Variants in CLK2 observed in about 807,000 individuals in gnomAD.
CLK2 encodes CDC like kinase 2.
A neutral mutation model predicts 73.5 loss-of-function variants in CLK2; 12 were observed. That is an observed-to-expected ratio of 0.16 (90% CI 0.10 to 0.26). The LOEUF (loss-of-function observed/expected upper bound fraction) is 0.26. Among genes scored for constraint, CLK2 ranks in the 10% least tolerant of loss-of-function variants. The pLI, the probability that CLK2 is intolerant of heterozygous loss-of-function variation, is 1.00. For missense variants in CLK2, 509 were observed against 688.4 expected (o/e 0.74, Z 2.92); for synonymous variants, 232 against 237.9 (o/e 0.98, Z 0.23).
chr1:155,266,039 GC>G, intron 7 of CLK2, 85 bp from the exon 8 acceptor site: 2 of 875,974 alleles, frequency 2.3e-6, no homozygotes, highest in South Asian at 1.3e-5. Flanking sequence ...GTTACCTAGG[GC>G]AAAGCCAGTG....
chr1:155,269,528 C>G lies in CLK2; in HGVS notation c.359G>C (p.Arg120Pro). Residue 120 changes from arginine (R) to proline (P), a missense_variant, in exon 3 of 13, where the codon CGG (arginine) becomes CCG (proline). Arg to Pro is a moderately radical substitution (Grantham distance 103). Transcript: ENST00000368361. ...AAATGTCCGGCTGCGCCTCCTCCGC[C>G]GTCTGTGCTTCCTCCGGCTGCTGCG... ...SQRSSRRKHR[R>P]RRRRSRTFSR... The G allele has an allele frequency of 6.2e-7, 1 of 1,614,042 alleles. No individual in the cohort carries two copies. Among genetic ancestry groups the G allele is most frequent in the Non-Finnish European group, 8.5e-7 (1 of 1,180,026 alleles).
rs1285573451 is a variant in CLK2, at chr1:155,268,331, C to T, written c.516G>A (p.Gly172=). ...CACATTGTACAACTCGGCCGAAGGTCCCCTCTCCTAAGGTGCTAACGATTT... is the reference window on the plus strand; with the variant it reads ...CACATTGTACAACTCGGCCGAAGGTTCCCTCTCCTAAGGTGCTAACGATTT... ...RYEIVSTLGE[G]TFGRVVQCVD... Residue 172 remains glycine (G), a synonymous_variant, in exon 5 of 13, where the codon GGG becomes GGA. Coordinates refer to ENST00000368361, the MANE Select transcript of CLK2 (RefSeq NM_001294338.2). The surrounding 1 kb of genome is among the most constrained non-coding windows in gnomAD (Gnocchi z 5.6). 5 of 1,614,080 alleles carry T rather than the reference C, an allele frequency of 3.1e-6. No individual in the cohort carries two copies. The highest frequency in any genetic ancestry group is 4.2e-6 in the Non-Finnish European group (5 of 1,180,002).
intron 3 of CLK2, chr1:155,269,010 A>C: frequency 1.7e-6 from 1 of 603,276 alleles, no homozygotes; most frequent in Non-Finnish European, 3.0e-6. Context: ...CAAACCCAAA[A>C]CAGGAACAGG....
At chr1:155,263,568 C>G (rs970480708) in intron 12 of CLK2, 168 bp from the exon 13 acceptor site, 1 of 985,330 alleles carries the variant, frequency 1.0e-6, no homozygotes, top group African/African-American at 1.7e-5. Context: ...TATAGCTCAA[C>G]CTACCTTCCC....
At position 155,270,869 on chromosome 1, in the gene CLK2, T is replaced by C. The variant is rs772720347; in HGVS notation, c.109A>G (p.Ser37Gly). 1.9e-6 allele frequency: 3 copies of C among 1,614,214 alleles called. No individual in the cohort carries two copies. The highest frequency in any genetic ancestry group is 1.7e-6 in the Non-Finnish European group (2 of 1,180,028). Residue 37 changes from serine (S) to glycine (G), a missense_variant, in exon 2 of 13, where the codon AGT (serine) becomes GGT (glycine). Around this residue, in one of 6 missense-constraint regions of CLK2, gnomAD observed 222 missense variants for 221.7 expected, o/e 1.00. Transcript: ENST00000368361. ...HKRRRSRSWS[S>G]SSDRTRRRRR... is the part of the protein sequence containing the mutation. Reference sequence around the variant, plus strand: ...CGCCGTCGTGTCCGGTCACTACTACTTGACCAGGAGCGACTTCTTCGTCGC... The same window carrying C: ...CGCCGTCGTGTCCGGTCACTACTACCTGACCAGGAGCGACTTCTTCGTCGC...
Position 155,268,449 on chromosome 1 carries a change from G to T in CLK2, c.488-90C>A. The T allele has an allele frequency of 9.6e-7, 1 of 1,043,146 alleles. No homozygotes were observed. The highest frequency in any genetic ancestry group is 1.5e-6 in the Non-Finnish European group (1 of 669,764). The allele number at this position is 1,043,146 out of a possible 1,614,324, so 64.6% of individuals were successfully genotyped here. A position where few individuals can be genotyped will look rare whatever the true frequency, so the allele number is the denominator to read the frequency against. On this transcript the variant is annotated intron_variant, in intron 4 of 12. Coordinates refer to ENST00000368361, the MANE Select transcript of CLK2 (RefSeq NM_001294338.2). This position sits in a 1 kb window ranked among gnomAD's most constrained non-coding sequence, Gnocchi z 5.6. ...GAAGAAAAAAGGGGACAGCAACCTGGGGTGGAGATGAAGGAAGGGGAACAG... is the reference window on the plus strand; with the variant it reads ...GAAGAAAAAAGGGGACAGCAACCTGTGGTGGAGATGAAGGAAGGGGAACAG...
Position 155,269,729 on chromosome 1 carries a change from A to C in CLK2, c.171-13T>G. On this transcript the variant is annotated splice_polypyrimidine_tract_variant and intron_variant, in intron 2 of 12. Coordinates refer to ENST00000368361, the MANE Select transcript of CLK2 (RefSeq NM_001294338.2). ...ATCATCATAACTGCTGTTGGATAAC[A>C]AATACCAATGAGGTGTATCTGTTCA... The C allele has an allele frequency of 6.2e-7, 1 of 1,610,624 alleles. No individual in the cohort carries two copies.
rs370161792 is a variant in CLK2 at position 155,269,656 on chromosome 1, G to A, written c.231C>T (p.Tyr77=). The A allele has an allele frequency of 1.9e-5, 30 of 1,614,108 alleles. No individual in the cohort carries two copies. The African/African-American group carries it at 3.5e-4, about 19-fold the overall frequency. The part of the protein sequence containing the change: ...RVYDRRYCGS[Y]RRNDYSRDRG... ...GATCCCGGCTATAATCGTTGCGTCTGTAGCTGCCACAGTATCGCCGGTCAT... is the reference window on the plus strand; with the variant it reads ...GATCCCGGCTATAATCGTTGCGTCTATAGCTGCCACAGTATCGCCGGTCAT... The change falls in exon 3 of 13, where the codon TAC becomes TAT. Residue 77 remains tyrosine (Y), a synonymous_variant. Coordinates refer to ENST00000368361, the MANE Select transcript of CLK2 (RefSeq NM_001294338.2).
intron 8 of CLK2, 100 bp downstream of exon 8, chr1:155,265,760 G>A: frequency 1.2e-6 from 1 of 822,002 alleles, no homozygotes; most frequent in Non-Finnish European, 2.2e-6. Context: ...AGAAAATGTG[G>A]GAGGACGAAA....
Position 155,264,542 on chromosome 1 carries a change from A to G in CLK2, c.1072T>C (p.Trp358Arg). Residue 358 changes from tryptophan (W) to arginine (R), a missense_variant, in exon 10 of 13, where the codon TGG (tryptophan) becomes CGG (arginine). Trp to Arg is a moderately radical substitution (Grantham distance 101). Around this residue, in one of 6 missense-constraint regions of CLK2, gnomAD observed 48 missense variants for 144.9 expected, o/e 0.33. Coordinates refer to ENST00000368361, the MANE Select transcript of CLK2 (RefSeq NM_001294338.2). ...CTCCACACATCACAAGGCTGTGACC[A>G]GCCCAACTCTGGGTGAGAATGGGAG... is the stretch of plus-strand genomic sequence containing the variant. ...RAPEVILELG[W>R]SQPCDVWSIG... 6.2e-7 allele frequency: 1 copy of G among 1,614,286 alleles called. No individual in the cohort carries two copies. Among genetic ancestry groups the G allele is most frequent in the Non-Finnish European group, 8.5e-7 (1 of 1,180,048 alleles).
rs557205500 is a variant in CLK2 at position 155,264,456 on chromosome 1, C to G, written c.1146+12G>C. 6.2e-7 allele frequency: 1 copy of G among 1,613,330 alleles called. No homozygotes were observed. Among genetic ancestry groups the G allele is most frequent in the South Asian group, 1.1e-5 (1 of 91,052 alleles). On this transcript the variant is annotated intron_variant, in intron 10 of 12. Coordinates refer to ENST00000368361, the MANE Select transcript of CLK2 (RefSeq NM_001294338.2). The stretch of plus-strand genomic sequence containing the variant: ...AATGCCAGGCAGTCAAGTAAGACAT[C>G]CCATCACTTACCTGGAAGAGGGTGA...
chr1:155,264,827 C>A (rs1572012606), intron 8 of CLK2, 53 bp from the exon 9 acceptor site: 2 of 1,602,178 alleles, frequency 1.2e-6, no homozygotes, highest in East Asian at 4.5e-5. Flanking sequence ...TGAGATTCCA[C>A]CAGTATTCTC....
chr1:155,270,769 A>G (rs368284486), intron 2 of CLK2, 39 bp downstream of exon 2: 3 of 1,581,898 alleles, frequency 1.9e-6, no homozygotes, highest in Non-Finnish European at 2.6e-6. Context: ...GGAATGAGCG[A>G]GTGACCCTGT....
At position 155,268,801 on chromosome 1, in the gene CLK2, G is replaced by A. The variant is rs553856790; in HGVS notation, c.400-6C>T. On this transcript the variant is annotated splice_polypyrimidine_tract_variant and splice_region_variant and intron_variant, in intron 3 of 12. Transcript: ENST00000368361. The surrounding 1 kb of genome is among the most constrained non-coding windows in gnomAD (Gnocchi z 5.6). ...GCTCTCCGGCTGCTGTGCTGCTGTC[G>A]GGGGGCAGGGGGGGTCGGAGCAAGC... 24 of 1,608,872 alleles carry A rather than the reference G, an allele frequency of 1.5e-5. No individual in the cohort carries two copies. Among genetic ancestry groups the A allele is most frequent in the East Asian group, 2.2e-5 (1 of 44,842 alleles).
chr1:155,268,856 C>CGGGGTGGGTGGG lies in CLK2; in HGVS notation c.400-62_400-61insCCCACCCACCCC. 2 of 193,822 alleles carry CGGGGTGGGTGGG rather than the reference C, an allele frequency of 1.0e-5. No individual in the cohort carries two copies. The highest frequency in any genetic ancestry group is 9.0e-5 in the East Asian group (1 of 11,142). The allele number at this position is 193,822 out of a possible 1,614,324, so 12.0% of individuals were successfully genotyped here. ...TGTCGGAGCGGGGGCCGGAGGGAGG[C>CGGGGTGGGTGGG]GGGGTGGGTGGTAGAGGGGTCACCG... On this transcript the variant is annotated intron_variant, in intron 3 of 12. Transcript: ENST00000368361. This position sits in a 1 kb window ranked among gnomAD's most constrained non-coding sequence, Gnocchi z 5.6.
intron 6 of CLK2, 141 bp downstream of exon 6, chr1:155,267,869 C>T: frequency 1.5e-6 from 1 of 675,460 alleles, no homozygotes; most frequent in East Asian, 2.5e-5. Context: ...CCCTGATGTT[C>T]TACTACTCTA....
intron 8 of CLK2, 88 bp downstream of exon 8, chr1:155,265,772 A>G (rs1673205663): frequency 2.3e-6 from 2 of 884,042 alleles, no homozygotes; most frequent in African/African-American, 1.6e-5. Flanking sequence ...AGGACGAAAT[A>G]AAAGGGAGAA....
At position 155,269,537 on chromosome 1, in the gene CLK2, T is replaced by C; in HGVS notation, c.350A>G (p.Lys117Arg). ...GCTGCGCCTCCTCCGCCGTCTGTGC[T>C]TCCTCCGGCTGCTGCGCTGGCTGCG... ...SYRSQRSSRR[K>R]HRRRRRRSRT... The change falls in exon 3 of 13, where the codon AAG becomes AGG. Residue 117 changes from lysine (K) to arginine (R), a missense_variant. Coordinates refer to ENST00000368361, the MANE Select transcript of CLK2 (RefSeq NM_001294338.2). The C allele has an allele frequency of 3.1e-6, 5 of 1,614,112 alleles. No individual in the cohort carries two copies. Among genetic ancestry groups the C allele is most frequent in the Non-Finnish European group, 4.2e-6 (5 of 1,180,036 alleles).
At chr1:155,269,174 A>G (rs1193846659) in intron 3 of CLK2, 6 of 567,040 alleles carry the variant, frequency 1.1e-5, no homozygotes, top group South Asian at 2.2e-5. Flanking sequence ...GGCTTGGGGG[A>G]AAAAGGCAGT....
Sources: allele counts gnomAD v4.1 joint callset, GRCh38; gene constraint gnomAD v4.1.1; regional missense constraint gnomAD v4.1.1; non-coding constraint Gnocchi (gnomAD v3.1); transcripts MANE v1.5; gene names NCBI Gene and HGNC (gene_info 2026-07-23, HGNC 2026-07-21).